The following PDK1 variants were observed in gnomAD, a reference collection of about 807,000 sequenced individuals.
The protein encoded by PDK1 is pyruvate dehydrogenase kinase 1, also known as [Pyruvate dehydrogenase (acetyl-transferring)] kinase isozyme 1, mitochondrial.
Under a neutral mutation model 54.2 loss-of-function variants are expected in PDK1, and 39 were observed. That is an observed-to-expected ratio of 0.72 (90% CI 0.56 to 0.94). The LOEUF is 0.94. Ranked by LOEUF, PDK1 falls within the 40% of genes least tolerant of loss-of-function variation. The pLI, the probability that PDK1 is intolerant of heterozygous loss-of-function variation, is 0.00. For synonymous variants in PDK1, 221 were observed against 207.1 expected (o/e 1.07, Z -0.58); for missense variants, 552 against 566.0 (o/e 0.98, Z 0.25).
intron 3 of PDK1, chr2:172,562,643 T>C: frequency 1.4e-6 from 1 of 733,422 alleles, no homozygotes; most frequent in Non-Finnish European, 2.4e-6. Context: ...TCTGATTGTT[T>C]TCTGATTTTA....
chr2:172,661,555 C>T, the PDK1 span, among the ~76,000 whole-genome samples: 23 of 152,234 alleles, frequency 1.5e-4, no homozygotes, highest in African/African-American at 5.3e-4. Flanking sequence ...ATATTGAAAG[C>T]CAGGGCTTGA....
In PDK1 at chr2:172,586,412, G is replaced by A. The variant is rs182748550; in HGVS notation, c.1056+24G>A. 5,406 of 1,404,660 alleles carry A rather than the reference G, an allele frequency of 3.8e-3. 21 individuals carry two copies. The highest frequency in any genetic ancestry group is 4.4e-3 in the Non-Finnish European group (4,327 of 990,400). The allele number at this position is 1,404,660 out of a possible 1,614,324, so 87.0% of individuals were successfully genotyped here. A position where few individuals can be genotyped will look rare whatever the true frequency, so the allele number is the denominator to read the frequency against. On this transcript the variant is annotated intron_variant, in intron 9 of 10. Transcript: ENST00000282077. ...TGGTATGTTATCAAGAAATAATGAA[G>A]TGTGTTTCTGTGAATTGCCTTCCAC...
At chr2:172,562,702 A>G (rs1051775662) in intron 3 of PDK1, 5 of 1,122,682 alleles carry the variant, frequency 4.5e-6, no homozygotes, top group Middle Eastern at 2.4e-4. Flanking sequence ...CTCACTTTTG[A>G]AAGATTGGTA....
chr2:172,619,593 A>G, the PDK1 span, among the ~76,000 whole-genome samples: 16 of 152,270 alleles, frequency 1.1e-4, no homozygotes, highest in Admixed American at 3.9e-4. Flanking sequence ...TGCATTGACT[A>G]AATGAATAAA....
chr2:172,585,316 ATTTTT>A (rs538241255), intron 8 of PDK1, among the ~76,000 whole-genome samples: 6 of 103,302 alleles, frequency 5.8e-5, no homozygotes, highest in African/African-American at 1.8e-4. Context: ...TGCATTTTTA[ATTTTT>A]TTTTTTTTTT....
At chr2:172,638,675 A>G in the PDK1 span, among the ~76,000 whole-genome samples, 1 of 141,534 alleles carries the variant, frequency 7.1e-6, no homozygotes, top group Non-Finnish European at 1.6e-5. Flanking sequence ...TAAATGCACC[A>G]ATCAGTGCTC....
intron 8 of PDK1, among the ~76,000 whole-genome samples, chr2:172,573,259 T>G (rs947300305): frequency 6.6e-6 from 1 of 152,228 alleles, no homozygotes; most frequent in African/African-American, 2.4e-5. Flanking sequence ...AATTGTAGTC[T>G]GTCTTTTTTA....
rs763783321 is a variant in PDK1, at chr2:172,606,367, AC to A, written c.*10400del. 7 of 152,196 alleles carry A rather than the reference AC, an allele frequency of 4.6e-5. No homozygotes were observed. The highest frequency in any genetic ancestry group is 1.4e-4 in the African/African-American group (6 of 41,448). The allele number at this position is 152,196 out of a possible 1,614,324, so 9.4% of individuals were successfully genotyped here. On this transcript the variant is annotated 3_prime_UTR_variant, in exon 11 of 11. Coordinates refer to ENST00000282077, the MANE Select transcript of PDK1 (RefSeq NM_002610.5). Reference sequence around the variant, plus strand: ...GGCTAGGAGGATGTAATGAATACTTACCATTTTTGTGGAAGCCCACAACCTT... The same window carrying A: ...GGCTAGGAGGATGTAATGAATACTTACATTTTTGTGGAAGCCCACAACCTT...
intron 1 of PDK1, among the ~76,000 whole-genome samples, chr2:172,557,162 G>A (rs1237270660): frequency 6.6e-6 from 1 of 152,216 alleles, no homozygotes; most frequent in East Asian, 1.9e-4. Context: ...GTGGTTTGTA[G>A]TGGCATAATT....
chr2:172,703,279 C>T, the PDK1 span, among the ~76,000 whole-genome samples: 1 of 152,158 alleles, frequency 6.6e-6, no homozygotes, highest in Non-Finnish European at 1.5e-5. Context: ...ACAGTCGACA[C>T]CTTGATTTCA....
At chr2:172,566,724 C>A in intron 5 of PDK1, 132 bp from the exon 6 acceptor site, 1 of 438,320 alleles carries the variant, frequency 2.3e-6, no homozygotes, top group Non-Finnish European at 3.9e-6. Flanking sequence ...CAGACTTTCA[C>A]CAAACTATCA....
the PDK1 span, among the ~76,000 whole-genome samples, chr2:172,654,797 C>A: frequency 6.6e-6 from 1 of 152,022 alleles, no homozygotes; most frequent in Non-Finnish European, 1.5e-5. Flanking sequence ...TGCACTCTGC[C>A]TCGTGGAAAA....
At chr2:172,642,313 G>A in the PDK1 span, among the ~76,000 whole-genome samples, 3 of 152,084 alleles carry the variant, frequency 2.0e-5, no homozygotes, top group Non-Finnish European at 4.4e-5. Context: ...TCTCTTGTGT[G>A]GGTACTTGGT....
the PDK1 span, among the ~76,000 whole-genome samples, chr2:172,712,823 G>A: frequency 6.6e-6 from 1 of 152,194 alleles, no homozygotes; most frequent in Non-Finnish European, 1.5e-5. Flanking sequence ...AGCTCTTTCA[G>A]TCCCAGCATT....
intron 6 of PDK1, 48 bp downstream of exon 6, chr2:172,566,981 T>C: frequency 8.2e-7 from 1 of 1,214,028 alleles, no homozygotes; most frequent in Non-Finnish European, 1.2e-6. Context: ...TTTGATTACT[T>C]GATAAGGGAT....
At chr2:172,587,167 C>T (rs968464219) in intron 9 of PDK1, among the ~76,000 whole-genome samples, 3 of 152,168 alleles carry the variant, frequency 2.0e-5, no homozygotes, top group African/African-American at 7.2e-5. Flanking sequence ...GGTTTTTGGT[C>T]TTGCTGACTT....
rs754006788 is a variant in PDK1, at chr2:172,592,965, C to A, written c.1087C>A (p.Arg363Ser). The A allele has an allele frequency of 3.7e-6, 6 of 1,611,774 alleles. No individual in the cohort carries two copies. The African/African-American group carries it at 5.3e-5, about 14-fold the overall frequency. ...AGFGYGLPIS[R>S]LYAQYFQGDL... ...TTTTGGTTATGGATTGCCCATATCA[C>A]GTCTTTACGCACAATACTTCCAAGG... Residue 363 changes from arginine to serine, a missense_variant, in exon 10 of 11, where the codon CGT becomes AGT. Coordinates refer to ENST00000282077, the MANE Select transcript of PDK1 (RefSeq NM_002610.5).
the PDK1 span, among the ~76,000 whole-genome samples, chr2:172,614,172 A>ACC: frequency 3.5e-3 from 464 of 133,362 alleles, 1 homozygote; most frequent in East Asian, 6.7e-3. Flanking sequence ...CCCAGGAAGG[A>ACC]CCCCCCCCCC....
At chr2:172,583,766 A>G (rs1017609424) in intron 8 of PDK1, among the ~76,000 whole-genome samples, 2 of 152,052 alleles carry the variant, frequency 1.3e-5, no homozygotes, top group Non-Finnish European at 2.9e-5. Context: ...TACTGTAACA[A>G]TTTTTAAATA....
Sources: gnomAD v4.1 joint callset for allele counts (sites outside exome capture counted in the v4.1 genomes callset) on GRCh38, gnomAD v4.1.1 for gene constraint, MANE v1.5 for transcripts, NCBI Gene and HGNC (gene_info 2026-07-23, HGNC 2026-07-21) for gene names.